SI: variants seen among roughly 807,000 people sequenced by gnomAD.
SI encodes the protein sucrase-isomaltase.
A neutral mutation model predicts 253.3 loss-of-function variants in SI; 235 were observed. That is an observed-to-expected ratio of 0.93 (90% confidence interval 0.83 to 1.03). SI has a LOEUF of 1.03. Among genes scored for constraint, SI ranks in the 50% least tolerant of loss-of-function variants. The pLI is 0.00. For synonymous variants in SI, 819 were observed against 712.0 expected, an observed-to-expected ratio of 1.15 and a Z score of -2.39; for missense variants, 2,442 against 2,211.1, an observed-to-expected ratio of 1.10 and a Z score of -2.09.
chr3:164,989,857 T>C (rs1717647192), intron 44 of SI, among the ~76,000 whole-genome samples: 1 of 152,192 alleles, frequency 6.6e-6, no homozygotes, highest in Admixed American at 6.6e-5. Context: ...TGATTCCAAC[T>C]ATATGACATT....
At chr3:165,027,966 G>GT (rs1325597089) in intron 25 of SI, among the ~76,000 whole-genome samples, 1 of 151,304 alleles carries the variant, frequency 6.6e-6, no homozygotes, top group African/African-American at 2.4e-5. Flanking sequence ...GAAAAAAATG[G>GT]CATCCAAATC....
chr3:164,987,265 G>A lies in SI; in HGVS notation c.5109-39C>T, dbSNP rs751963668. On this transcript the variant is annotated intron_variant, in intron 44 of 47. Coordinates refer to ENST00000264382, the MANE Select transcript of SI (RefSeq NM_001041.4). ...ATATATAATTTTACCCATGTTTGTA[G>A]AATAGCATATGTCTAGTTATGATAT... 3 of 1,502,142 alleles carry A rather than the reference G, an allele frequency of 2.0e-6. No individual in the cohort carries two copies. In the South Asian group the frequency reaches 3.4e-5, roughly 17 times the overall value. The allele number at this position is 1,502,142 out of a possible 1,614,324, so 93.1% of individuals were successfully genotyped here.
At chr3:165,001,297 C>T (rs115739071) in intron 37 of SI, among the ~76,000 whole-genome samples, 1,602 of 151,344 alleles carry the variant, frequency 0.011, 29 homozygotes, top group African/African-American at 0.036. Flanking sequence ...GAATTGTTAT[C>T]CTCATTTTCA....
At chr3:165,067,174 T>C (rs1172597356) in intron 6 of SI, among the ~76,000 whole-genome samples, 166 bp downstream of exon 6, 1 of 152,006 alleles carries the variant, frequency 6.6e-6, no homozygotes, top group Non-Finnish European at 1.5e-5. Context: ...CCAGTATCTT[T>C]CATCCACAAG....
At chr3:165,008,979 C>G (rs1559987105) in intron 35 of SI, among the ~76,000 whole-genome samples, 1 of 151,902 alleles carries the variant, frequency 6.6e-6, no homozygotes, top group Non-Finnish European at 1.5e-5. Flanking sequence ...AAGCCTGACA[C>G]TTATTCCTAT....
Position 165,009,292 on chromosome 3 carries a change from T to G in SI, c.4166A>C (p.Asp1389Ala). ...AAGCTTACTTACAATCCACAAACCA[T>G]CAAACTTCATCTTTTCATTGTAAAA... ...VDFYNEKMKF[D>A]GLWIDMNEPS... The change falls in exon 35 of 48, where the codon GAT (aspartate) becomes GCT (alanine). Residue 1389 changes from aspartate to alanine, a missense_variant. Physicochemically the swap from Asp to Ala is moderately radical, Grantham distance 126. Transcript: ENST00000264382. 6.2e-7 allele frequency: 1 copy of G among 1,604,188 alleles called. No homozygotes were observed. The highest frequency in any genetic ancestry group is 8.5e-7 in the Non-Finnish European group (1 of 1,171,164).
In SI at chr3:165,009,406, A is replaced by C. The variant is rs199654538; in HGVS notation, c.4063-11T>G. On this transcript the variant is annotated splice_polypyrimidine_tract_variant and intron_variant, in intron 34 of 47. Coordinates refer to ENST00000264382, the MANE Select transcript of SI (RefSeq NM_001041.4). ...ATGAGCTCTGGAAGCCTGTAAAACC[A>C]AAATTTAGGCTCACATGTGGAAAGT... 1 of 1,482,812 alleles carries C rather than the reference A, an allele frequency of 6.7e-7. No individual in the cohort carries two copies. The highest frequency in any genetic ancestry group is 9.4e-7 in the Non-Finnish European group (1 of 1,060,434). The allele number at this position is 1,482,812 out of a possible 1,614,324, so 91.9% of individuals were successfully genotyped here.
intron 12 of SI, among the ~76,000 whole-genome samples, chr3:165,057,868 A>G (rs914797597): frequency 1.3e-5 from 2 of 152,076 alleles, no homozygotes; most frequent in African/African-American, 4.8e-5. Flanking sequence ...AGCATTGTAC[A>G]GATCATCCAG....
Position 164,996,597 on chromosome 3 carries a change from G to T in SI, c.4630C>A (p.Arg1544Ser), listed in dbSNP as rs767701775. The change falls in exon 40 of 48, where the codon CGC (arginine) becomes AGC (serine). Residue 1544 changes from arginine (R) to serine (S), a missense_variant. By Grantham distance (110) the Arg-to-Ser change is moderately radical (BLOSUM62 -1). Coordinates refer to ENST00000264382, the MANE Select transcript of SI (RefSeq NM_001041.4). ...TAAAATGCTCCAAGTTGCATCCAGC[G>T]GGTACAGAGATGATATTCTGAGTTG... ...FNNSEYHLCT[R>S]WMQLGAFYPY... 6.2e-7 allele frequency: 1 copy of T among 1,609,974 alleles called. No homozygotes were observed. The highest frequency in any genetic ancestry group is 8.5e-7 in the Non-Finnish European group (1 of 1,176,952).
intron 22 of SI, among the ~76,000 whole-genome samples, chr3:165,034,332 A>C (rs1712411290): frequency 6.6e-6 from 1 of 151,936 alleles, no homozygotes; most frequent in Non-Finnish European, 1.5e-5. Context: ...AAAGTAAGCT[A>C]TTCATATGCA....
chr3:164,988,890 A>G (rs1717566046), intron 44 of SI, among the ~76,000 whole-genome samples: 1 of 152,110 alleles, frequency 6.6e-6, no homozygotes, highest in South Asian at 2.1e-4. Flanking sequence ...GTTCTCAGGC[A>G]AATAAGAGAA....
At chr3:164,992,936 T>C (rs1211702839) in intron 41 of SI, among the ~76,000 whole-genome samples, 1 of 151,640 alleles carries the variant, frequency 6.6e-6, no homozygotes, top group Admixed American at 6.6e-5. Context: ...TTTTTTTTTG[T>C]TTGTTTTGTT....
chr3:165,082,532 T>A (rs186307220), upstream of SI, among the ~76,000 whole-genome samples: 1 of 151,930 alleles, frequency 6.6e-6, no homozygotes, highest in Non-Finnish European at 1.5e-5. Context: ...CCTATACCTT[T>A]CATATTTGCC....
Position 165,059,378 on chromosome 3 carries a change from C to T in SI, c.1147-79G>A, listed in dbSNP as rs78971506. On this transcript the variant is annotated intron_variant, in intron 10 of 47. Coordinates refer to ENST00000264382, the MANE Select transcript of SI (RefSeq NM_001041.4). Reference sequence around the variant, plus strand: ...CAAGTCAATCTTTAACTCCATTGAACGTGTATTATAAACATAACCCTTAAA... The same window carrying T: ...CAAGTCAATCTTTAACTCCATTGAATGTGTATTATAAACATAACCCTTAAA... 542 of 1,347,426 alleles carry T rather than the reference C, an allele frequency of 4.0e-4. 1 individual carries two copies. The African/African-American group carries it at 6.5e-3, about 16-fold the overall frequency. The allele number at this position is 1,347,426 out of a possible 1,614,324, so 83.5% of individuals were successfully genotyped here.
chr3:164,991,622 G>A, intron 43 of SI, 145 bp from the exon 44 acceptor site: 5 of 862,356 alleles, frequency 5.8e-6, no homozygotes, highest in Non-Finnish European at 9.2e-6. Context: ...ATCTTAATTT[G>A]TTTCACTATA....
At chr3:165,049,306 C>T (rs1713309798) in intron 14 of SI, 62 bp from the exon 15 acceptor site, 1 of 958,390 alleles carries the variant, frequency 1.0e-6, no homozygotes. Context: ...TATATATTTT[C>T]CATCATAAAT....
Position 165,016,287 on chromosome 3 carries a change from G to T in SI, c.3760-207C>A, listed in dbSNP as rs551124196. ...ATTCTAAGAACAACTTTCTATAAAT[G>T]TTCTGTTTTGTCAACAGTTCATTTA... On this transcript the variant is annotated intron_variant, in intron 31 of 47. Transcript: ENST00000264382. Among the ~76,000 whole-genome samples, 18 of 152,050 alleles carry T rather than the reference G, an allele frequency of 1.2e-4. No homozygotes were observed. The East Asian group carries it at 3.3e-3, about 28-fold the overall frequency.
chr3:165,015,816 G>A (rs1238726188), intron 32 of SI, 136 bp downstream of exon 32: 1 of 791,302 alleles, frequency 1.3e-6, no homozygotes, highest in East Asian at 2.5e-5. Context: ...AGTGCTAAAG[G>A]AAGAGAGTTT....
At chr3:165,086,087 C>A in the SI span, among the ~76,000 whole-genome samples, 1 of 152,160 alleles carries the variant, frequency 6.6e-6, no homozygotes, top group Admixed American at 6.6e-5. Flanking sequence ...AACCATGTCT[C>A]TACTAAAAGT....
Sources: gnomAD v4.1 joint callset for allele counts (sites outside exome capture counted in the v4.1 genomes callset) on GRCh38, gnomAD v4.1.1 for gene constraint, MANE v1.5 for transcripts, NCBI Gene and HGNC (gene_info 2026-07-23, HGNC 2026-07-21) for gene names.